GRM7: variants seen among roughly 807,000 people sequenced by gnomAD.
GRM7 encodes glutamate metabotropic receptor 7.
GRM7 carries 35 observed loss-of-function variants against 84.5 expected under a neutral mutation model. That is an observed-to-expected ratio of 0.41 (90% confidence interval 0.32 to 0.55). The LOEUF (loss-of-function observed/expected upper bound fraction) is 0.55, where lower values mean the gene tolerates loss of function less well. Ranked by LOEUF, GRM7 falls within the 20% of genes least tolerant of loss-of-function variation. The probability of loss-of-function intolerance (pLI) is 0.19; values close to 1 mark genes in which losing one functional copy is unlikely to be tolerated. For synonymous variants in GRM7, 487 were observed against 455.1 expected (o/e 1.07, Z -0.89); for missense variants, 1,003 against 1,194.6 (o/e 0.84, Z 2.36).
intron 1 of GRM7, among the ~76,000 whole-genome samples, chr3:7,124,421 G>A (rs138991420): frequency 3.1e-3 from 465 of 152,226 alleles, no homozygotes; most frequent in Middle Eastern, 0.01. Flanking sequence ...CAGGAGAATC[G>A]CTTCAACCCG....
intron 1 of GRM7, among the ~76,000 whole-genome samples, chr3:6,896,489 A>G (rs796946654): frequency 2.0e-5 from 3 of 152,304 alleles, no homozygotes; most frequent in African/African-American, 7.2e-5. Context: ...ATTAACTGCA[A>G]TTCAGTCTGC....
At chr3:7,199,388 A>G (rs1298230387) in intron 2 of GRM7, among the ~76,000 whole-genome samples, 1 of 152,234 alleles carries the variant, frequency 6.6e-6, no homozygotes, top group Non-Finnish European at 1.5e-5. Context: ...CTGATGCCAC[A>G]TGAAGCAGAA....
intron 7 of GRM7, among the ~76,000 whole-genome samples, chr3:7,567,605 G>T (rs1032379538): frequency 2.6e-5 from 4 of 151,762 alleles, no homozygotes; most frequent in African/African-American, 9.7e-5. Flanking sequence ...AAATTAGCTG[G>T]GCATGATGGA....
intron 5 of GRM7, among the ~76,000 whole-genome samples, chr3:7,447,685 T>C (rs1292295100): frequency 2.0e-5 from 3 of 152,020 alleles, no homozygotes; most frequent in Admixed American, 1.3e-4. Context: ...CTAATCTCTT[T>C]GTAAGAATAA....
chr3:7,253,265 C>G (rs188078739), intron 2 of GRM7, among the ~76,000 whole-genome samples: 8 of 152,256 alleles, frequency 5.3e-5, no homozygotes, highest in African/African-American at 1.9e-4. Flanking sequence ...AATAAAAATA[C>G]TAACAATGAC....
chr3:6,868,875 A>G lies in GRM7; in HGVS notation c.519+6968A>G, dbSNP rs185648394. On this transcript the variant is annotated intron_variant, in intron 1 of 9. Transcript: ENST00000357716. ...AAGAGCTGCAGCTTAATAGTTTTAT[A>G]ATTGGTCATTTGCAGAATTCTCCAT... Among the ~76,000 whole-genome samples the G allele has an allele frequency of 3.6e-4, 55 of 152,170 alleles. 1 individual carries two copies. The East Asian group carries it at 8.5e-3, about 24-fold the overall frequency.
At chr3:7,541,343 G>T (rs774269815) in intron 7 of GRM7, among the ~76,000 whole-genome samples, 2 of 152,048 alleles carry the variant, frequency 1.3e-5, no homozygotes, top group Non-Finnish European at 2.9e-5. Context: ...TCAACTCGGG[G>T]CATGATTTTG....
At chr3:7,613,340 C>T (rs1387593078) in intron 8 of GRM7, among the ~76,000 whole-genome samples, 3 of 152,184 alleles carry the variant, frequency 2.0e-5, no homozygotes, top group Admixed American at 6.5e-5. Flanking sequence ...CCAGCCCTAA[C>T]GTACATATGT....
intron 9 of GRM7, among the ~76,000 whole-genome samples, chr3:7,718,237 C>T (rs776783076): frequency 2.4e-4 from 36 of 152,206 alleles, no homozygotes; most frequent in Non-Finnish European, 4.7e-4. Flanking sequence ...TAAATGTTAA[C>T]CATCACTATT....
chr3:7,634,489 AAAAAAAAAAAAAAG>A (rs1379407669), intron 8 of GRM7, among the ~76,000 whole-genome samples: 4 of 127,042 alleles, frequency 3.1e-5, no homozygotes, highest in African/African-American at 8.5e-5. Flanking sequence ...CAAAAAAAAA[AAAAAAAAAAAAAAG>A]GGCTGGGCTC....
intron 9 of GRM7, among the ~76,000 whole-genome samples, chr3:7,708,502 C>T (rs554017893): frequency 1.3e-5 from 2 of 152,158 alleles, no homozygotes; most frequent in East Asian, 1.9e-4. Context: ...TTGAAGTGAT[C>T]GGGGGTTGCC....
chr3:7,144,987 A>T (rs2125065459), intron 1 of GRM7, among the ~76,000 whole-genome samples: 1 of 152,306 alleles, frequency 6.6e-6, no homozygotes, highest in East Asian at 1.9e-4. Flanking sequence ...ACAGGACTTA[A>T]CTCTAATGCT....
intron 5 of GRM7, among the ~76,000 whole-genome samples, chr3:7,424,720 A>G (rs185500097): frequency 2.2e-4 from 33 of 152,348 alleles, no homozygotes; most frequent in Middle Eastern, 3.4e-3. Context: ...GCTGAGCCAG[A>G]GAACACAGGC....
In GRM7 at chr3:7,516,677, CATCAAGCT is replaced by C. The variant is rs544467552; in HGVS notation, c.1515+54960_1515+54967del. Among the ~76,000 whole-genome samples, 65 of 152,080 alleles carry C rather than the reference CATCAAGCT, an allele frequency of 4.3e-4. 3 individuals are homozygous for C. The South Asian group carries it at 0.013, about 31-fold the overall frequency. On this transcript the variant is annotated intron_variant, in intron 7 of 9. Transcript: ENST00000357716. ...AGGTATGAGCTGGAGCATTGAATGG[CATCAAGCT>C]ATCAGAGCCTGCTGTTCCTTTCCAA...
chr3:7,361,671 G>A (rs78035143), intron 4 of GRM7, among the ~76,000 whole-genome samples: 13,543 of 152,024 alleles, frequency 0.089, 720 homozygotes, highest in African/African-American at 0.15. Flanking sequence ...AAAGAAACCA[G>A]TACATGCTAA....
chr3:7,480,652 G>A (rs1040287096), intron 7 of GRM7, among the ~76,000 whole-genome samples: 19 of 152,314 alleles, frequency 1.2e-4, no homozygotes, highest in South Asian at 6.2e-4. Context: ...GTATTGCAGA[G>A]TTAAATTGTT....
At chr3:7,253,768 A>T (rs181650851) in intron 2 of GRM7, among the ~76,000 whole-genome samples, 29 of 152,196 alleles carry the variant, frequency 1.9e-4, no homozygotes, top group African/African-American at 6.7e-4. Context: ...ATGGTGTAGT[A>T]AGTCTTCTGA....
intron 4 of GRM7, among the ~76,000 whole-genome samples, chr3:7,410,950 A>T (rs1695910525): frequency 6.6e-6 from 1 of 152,170 alleles, no homozygotes; most frequent in African/African-American, 2.4e-5. Flanking sequence ...TCAAGGTTTC[A>T]GCTGGTGCCA....
At chr3:7,157,096 G>A (rs1206883542) in intron 2 of GRM7, among the ~76,000 whole-genome samples, 2 of 152,264 alleles carry the variant, frequency 1.3e-5, no homozygotes, top group South Asian at 2.1e-4. Flanking sequence ...ATGACAGACT[G>A]TGTCTTCAGG....
Sources: allele counts gnomAD v4.1 joint callset (sites outside exome capture counted in the v4.1 genomes callset), GRCh38; gene constraint gnomAD v4.1.1; transcripts MANE v1.5; gene names NCBI Gene and HGNC (gene_info 2026-07-23, HGNC 2026-07-21).